Variants in SCIN observed in about 807,000 individuals in gnomAD.
The protein encoded by SCIN is scinderin, also known as adseverin.
A neutral mutation model predicts 91.8 loss-of-function variants in SCIN; 91 were observed. The ratio of observed to expected loss-of-function variants is 0.99; its 90% CI spans 0.84 to 1.18. The LOEUF is 1.18. Ranked by LOEUF, SCIN falls within the 50% of genes most tolerant of loss-of-function variation. The pLI, the probability that SCIN is intolerant of heterozygous loss-of-function variation, is 0.00. For synonymous variants in SCIN, 367 were observed against 312.6 expected, an observed-to-expected ratio of 1.17 and a Z score of -1.84; for missense variants, 1,087 against 863.9, an observed-to-expected ratio of 1.26 and a Z score of -3.24.
At chr7:12,589,892 C>T (rs1782682062) in intron 3 of SCIN, among the ~76,000 whole-genome samples, 1 of 152,100 alleles carries the variant, frequency 6.6e-6, no homozygotes, top group African/African-American at 2.4e-5. Flanking sequence ...AAGGAGGGTG[C>T]TTTTGGACTG....
chr7:12,647,030 G>A (rs923179267), intron 13 of SCIN, among the ~76,000 whole-genome samples: 6 of 141,830 alleles, frequency 4.2e-5, no homozygotes, highest in Admixed American at 1.4e-4. Flanking sequence ...ACTTGATATT[G>A]CATCCAAGCA....
chr7:12,592,452 G>A (rs373245800), intron 3 of SCIN, among the ~76,000 whole-genome samples: 11 of 152,046 alleles, frequency 7.2e-5, no homozygotes, highest in African/African-American at 2.2e-4. Flanking sequence ...ATGGGGTATT[G>A]AGGAACATTG....
chr7:12,636,112 T>G lies in SCIN; in HGVS notation c.1387T>G (p.Ser463Ala), dbSNP rs1554296643. The G allele has an allele frequency of 6.2e-7, 1 of 1,612,876 alleles. No homozygotes were observed. The highest frequency in any genetic ancestry group is 8.5e-7 in the Non-Finnish European group (1 of 1,179,562). Residue 463 changes from serine to alanine, a missense_variant, in exon 10 of 16, where the codon TCC (serine) becomes GCC (alanine). Transcript: ENST00000297029. ...GTTCCTGACTGTTCAGTTGGATCGG[T>G]CCCTTGGAGGACAGGCTGTGCAGGT... ...SAFLTVQLDR[S>A]LGGQAVQIRV... is the part of the protein sequence containing the mutation.
intron 3 of SCIN, among the ~76,000 whole-genome samples, chr7:12,602,536 C>G (rs980329370): frequency 1.3e-5 from 2 of 152,110 alleles, no homozygotes; most frequent in Non-Finnish European, 2.9e-5. Context: ...ATATTTCAGT[C>G]CTTATTTCAA....
At chr7:12,616,778 C>T (rs529075511) in intron 4 of SCIN, among the ~76,000 whole-genome samples, 28 of 152,162 alleles carry the variant, frequency 1.8e-4, no homozygotes, top group African/African-American at 4.3e-4. Context: ...TCAGAGAATT[C>T]GTTTTATAAT....
chr7:12,590,887 C>A (rs769706078), intron 3 of SCIN, among the ~76,000 whole-genome samples: 5 of 152,042 alleles, frequency 3.3e-5, no homozygotes, highest in Non-Finnish European at 4.4e-5. Context: ...ATGTGATAGG[C>A]ATATTTGGAG....
At chr7:12,644,810 G>A (rs1418406159) in intron 13 of SCIN, 105 bp downstream of exon 13, 1 of 1,103,528 alleles carries the variant, frequency 9.1e-7, no homozygotes, top group East Asian at 2.9e-5. Context: ...GAGGTCAGGA[G>A]TTCGAGACCA....
At chr7:12,638,158 T>C (rs1317268147) in intron 10 of SCIN, among the ~76,000 whole-genome samples, 1 of 152,206 alleles carries the variant, frequency 6.6e-6, no homozygotes, top group Non-Finnish European at 1.5e-5. Context: ...ATAACTGACA[T>C]ACAGACTTCA....
At chr7:12,639,118 A>T (rs1469697594) in intron 10 of SCIN, among the ~76,000 whole-genome samples, 1 of 152,218 alleles carries the variant, frequency 6.6e-6, no homozygotes, top group Non-Finnish European at 1.5e-5. Context: ...TTTGTAGAAT[A>T]TATTAACCAT....
chr7:12,605,347 C>A (rs946426080), intron 4 of SCIN, among the ~76,000 whole-genome samples: 3 of 152,130 alleles, frequency 2.0e-5, no homozygotes, highest in Non-Finnish European at 2.9e-5. Flanking sequence ...CCCTGCCCGG[C>A]CTTCTCAGGG....
At position 12,644,012 on chromosome 7, in the gene SCIN, G is replaced by A. The variant is rs565568245; in HGVS notation, c.1582-126G>A. 1.4e-4 allele frequency: 113 copies of A among 834,872 alleles called. No homozygotes were observed. In the African/African-American group the frequency reaches 1.9e-3, roughly 14 times the overall value. The allele number at this position is 834,872 out of a possible 1,614,324, so 51.7% of individuals were successfully genotyped here. On this transcript the variant is annotated intron_variant, in intron 11 of 15. Coordinates refer to ENST00000297029, the MANE Select transcript of SCIN (RefSeq NM_001112706.3). ...CATAGTGGTGTCCCAGAGCGGCTCT[G>A]AATTAATTTCCTGGGATAGGGCAGA...
chr7:12,583,383 G>A (rs770482716), intron 3 of SCIN, among the ~76,000 whole-genome samples: 1 of 152,272 alleles, frequency 6.6e-6, no homozygotes, highest in East Asian at 1.9e-4. Flanking sequence ...AGTTTCAAAA[G>A]GGGAAACAAA....
intron 3 of SCIN, among the ~76,000 whole-genome samples, chr7:12,600,777 C>G (rs1782941715): frequency 6.6e-6 from 1 of 152,110 alleles, no homozygotes; most frequent in African/African-American, 2.4e-5. Flanking sequence ...AACACAGCTG[C>G]CCAGAACACA....
At chr7:12,615,041 G>C (rs189766619) in intron 4 of SCIN, among the ~76,000 whole-genome samples, 1 of 152,140 alleles carries the variant, frequency 6.6e-6, no homozygotes, top group African/African-American at 2.4e-5. Flanking sequence ...AGAAATCTGT[G>C]GATCACACCC....
At chr7:12,619,001 T>A (rs1173367333) in intron 4 of SCIN, among the ~76,000 whole-genome samples, 1 of 152,148 alleles carries the variant, frequency 6.6e-6, no homozygotes, top group Non-Finnish European at 1.5e-5. Context: ...GACACGGATC[T>A]AAGGCAAAAC....
chr7:12,622,652 A>G lies in SCIN; in HGVS notation c.667-149A>G, dbSNP rs949190623. The G allele has an allele frequency of 3.0e-5, 18 of 607,090 alleles. No individual in the cohort carries two copies. The African/African-American group carries it at 3.4e-4, about 11-fold the overall frequency. The allele number at this position is 607,090 out of a possible 1,614,324, so 37.6% of individuals were successfully genotyped here. ...TGATTTGGCCTATATGAAAAGGACT[A>G]CCTTGTATGCATTGATGAGAAGTGT... On this transcript the variant is annotated intron_variant, in intron 4 of 15. Transcript: ENST00000297029.
intron 3 of SCIN, among the ~76,000 whole-genome samples, chr7:12,583,433 T>G (rs527379390): frequency 1.1e-4 from 16 of 152,302 alleles, no homozygotes; most frequent in African/African-American, 3.8e-4. Context: ...TCACTCCACA[T>G]TCATGCCAGT....
At chr7:12,601,342 A>C (rs940346699) in intron 3 of SCIN, among the ~76,000 whole-genome samples, 4 of 152,200 alleles carry the variant, frequency 2.6e-5, no homozygotes, top group African/African-American at 7.2e-5. Context: ...CTGGAAATTT[A>C]ATCAGAGAAG....
At chr7:12,635,969 C>T in intron 9 of SCIN, 76 bp from the exon 10 acceptor site, 1 of 1,001,228 alleles carries the variant, frequency 1.0e-6, no homozygotes, top group South Asian at 1.4e-5. Flanking sequence ...AATAACTTGT[C>T]TCTGCTTGCA....
Sources: allele counts gnomAD v4.1 joint callset (sites outside exome capture counted in the v4.1 genomes callset), GRCh38; gene constraint gnomAD v4.1.1; transcripts MANE v1.5; gene names NCBI Gene and HGNC (gene_info 2026-07-23, HGNC 2026-07-21).